STOM: variants seen among roughly 807,000 people sequenced by gnomAD.
The protein encoded by STOM is erythrocyte band 7 integral membrane protein.
In STOM, 25 loss-of-function variants were observed where a neutral mutation model predicts 30.6. The observed-to-expected ratio is 0.82, with a 90% CI of 0.60 to 1.14. The LOEUF (loss-of-function observed/expected upper bound fraction) is 1.14, where lower values mean the gene tolerates loss of function less well. Among genes scored for constraint, STOM ranks in the 50% most tolerant of loss-of-function variants. STOM has a pLI of 0.00. For synonymous variants in STOM, 118 were observed against 130.8 expected (o/e 0.90, Z 0.67); for missense variants, 292 against 365.2 (o/e 0.80, Z 1.63).
At chr9:121,349,554 G>A (rs1296306777) in intron 4 of STOM, among the ~76,000 whole-genome samples, 1 of 152,088 alleles carries the variant, frequency 6.6e-6, no homozygotes, top group Non-Finnish European at 1.5e-5. Flanking sequence ...CACTGTACTA[G>A]GTACCAGGGA....
At chr9:121,351,259 C>T (rs1298915831) in intron 4 of STOM, among the ~76,000 whole-genome samples, 3 of 152,230 alleles carry the variant, frequency 2.0e-5, no homozygotes, top group African/African-American at 4.8e-5. Flanking sequence ...CCTTCTGAGA[C>T]TCAATCTTCC....
At chr9:121,342,265 G>T (rs1389187740) in intron 6 of STOM, among the ~76,000 whole-genome samples, 1 of 152,006 alleles carries the variant, frequency 6.6e-6, no homozygotes. Flanking sequence ...AGCTACTTGG[G>T]AGGCTGAGAC....
chr9:121,367,897 C>G (rs1335984039), intron 1 of STOM, among the ~76,000 whole-genome samples: 2 of 152,288 alleles, frequency 1.3e-5, no homozygotes, highest in African/African-American at 4.8e-5. Context: ...TTCAGAAAAT[C>G]AGATAGCCGG....
intron 6 of STOM, among the ~76,000 whole-genome samples, chr9:121,343,572 T>A (rs1246966727): frequency 6.6e-6 from 1 of 152,116 alleles, no homozygotes; most frequent in African/African-American, 2.4e-5. Context: ...GTTATAGAAG[T>A]TGAATATTAA....
chr9:121,364,708 C>T (rs1409378325), intron 1 of STOM, among the ~76,000 whole-genome samples: 1 of 152,086 alleles, frequency 6.6e-6, no homozygotes, highest in Non-Finnish European at 1.5e-5. Context: ...TTCCTGCATT[C>T]AAATGTTTCA....
chr9:121,349,090 G>A (rs767750673), intron 5 of STOM, 30 bp downstream of exon 5: 2 of 1,604,466 alleles, frequency 1.2e-6, no homozygotes, highest in East Asian at 2.2e-5. Context: ...TTCAGCTTCT[G>A]GGGGGTAACA....
rs2064228098 is a variant in STOM at position 121,339,559 on chromosome 9, G to T, written c.*1643C>A. The T allele has an allele frequency of 4.1e-6, 5 of 1,230,792 alleles. No individual in the cohort carries two copies. The highest frequency in any genetic ancestry group is 4.1e-5 in the South Asian group (1 of 24,148). 76.2% of individuals were successfully genotyped at this position (1,230,792 alleles called of 1,614,324 possible). On this transcript the variant is annotated 3_prime_UTR_variant, in exon 7 of 7. Coordinates refer to ENST00000286713, the MANE Select transcript of STOM (RefSeq NM_004099.6). The stretch of plus-strand genomic sequence containing the variant: ...GGATGGACAGAGTGGTTGAGCTAAA[G>T]AGAGCTATAAAGGCTCGTGCTGGGA...
At chr9:121,353,539 C>T (rs2064358026) in intron 3 of STOM, among the ~76,000 whole-genome samples, 1 of 152,184 alleles carries the variant, frequency 6.6e-6, no homozygotes, top group Non-Finnish European at 1.5e-5. Context: ...ACTCTTCTCC[C>T]CACCGCCCCA....
chr9:121,355,147 T>C (rs1335656481), intron 2 of STOM, among the ~76,000 whole-genome samples: 1 of 141,694 alleles, frequency 7.1e-6, no homozygotes, highest in African/African-American at 2.7e-5. Context: ...TAATCCAAGC[T>C]ACAAGGGAGG....
At chr9:121,343,274 A>G (rs1165519795) in intron 6 of STOM, among the ~76,000 whole-genome samples, 2 of 152,222 alleles carry the variant, frequency 1.3e-5, no homozygotes, top group African/African-American at 2.4e-5. Context: ...TTAATGGTCC[A>G]TAATACTCCA....
At position 121,349,231 on chromosome 9, in the gene STOM, G is replaced by T; in HGVS notation, c.414C>A (p.Asn138Lys). The T allele has an allele frequency of 6.2e-7, 1 of 1,614,182 alleles. No individual in the cohort carries two copies. Among genetic ancestry groups the T allele is most frequent in the Non-Finnish European group, 8.5e-7 (1 of 1,180,032 alleles). ...CCAAAAGACGGGTTGCTGAGTCAGC[G>T]TTGGTGATATTTGCCACAGCCAGGG... ...NATLAVANIT[N>K]ADSATRLLAQ... Residue 138 changes from asparagine (N) to lysine (K), a missense_variant, in exon 5 of 7, where the codon AAC becomes AAA. Coordinates refer to ENST00000286713, the MANE Select transcript of STOM (RefSeq NM_004099.6).
At chr9:121,345,396 T>C (rs1412403987) in intron 6 of STOM, among the ~76,000 whole-genome samples, 5 of 152,218 alleles carry the variant, frequency 3.3e-5, no homozygotes, top group Non-Finnish European at 7.3e-5. Flanking sequence ...ATAATGTGAA[T>C]TTGCATTTCC....
chr9:121,367,448 C>T (rs2064515822), intron 1 of STOM, among the ~76,000 whole-genome samples: 1 of 152,074 alleles, frequency 6.6e-6, no homozygotes, highest in Admixed American at 6.6e-5. Context: ...AATTTATGAC[C>T]ACTGATGGAA....
Position 121,356,101 on chromosome 9 carries a change from G to C in STOM, c.117C>G (p.Phe39Leu), listed in dbSNP as rs1472920016. The stretch of plus-strand genomic sequence containing the variant: ...TTGGGAAAGTTATAACGGTGAATAA[G>C]AATGAGAACGCCACCAAAATCCATC... ...PCGWILVAFS[F>L]LFTVITFPIS... Residue 39 changes from phenylalanine to leucine, a missense_variant, in exon 2 of 7, where the codon TTC becomes TTG. Phe to Leu is a conservative substitution (Grantham distance 22). Transcript: ENST00000286713. The C allele has an allele frequency of 6.2e-7, 1 of 1,614,128 alleles. No homozygotes were observed. The highest frequency in any genetic ancestry group is 8.5e-7 in the Non-Finnish European group (1 of 1,180,010).
chr9:121,352,230 T>C (rs2064345847), intron 4 of STOM, among the ~76,000 whole-genome samples: 2 of 152,236 alleles, frequency 1.3e-5, no homozygotes, highest in Admixed American at 1.3e-4. Context: ...GAAGTACTTA[T>C]AATACTTAAC....
chr9:121,341,830 G>A (rs1249004496), intron 6 of STOM, among the ~76,000 whole-genome samples: 2 of 152,158 alleles, frequency 1.3e-5, no homozygotes, highest in East Asian at 3.8e-4. Context: ...GAAAGACTGT[G>A]ATATGATTTT....
intron 1 of STOM, among the ~76,000 whole-genome samples, chr9:121,363,301 G>C (rs1022156794): frequency 6.6e-6 from 1 of 152,184 alleles, no homozygotes; most frequent in Non-Finnish European, 1.5e-5. Flanking sequence ...TTCAGTTGCA[G>C]CAGCACTTTT....
intron 1 of STOM, among the ~76,000 whole-genome samples, chr9:121,368,474 T>C (rs555122353): frequency 2.0e-5 from 3 of 152,200 alleles, no homozygotes; most frequent in Admixed American, 6.5e-5. Flanking sequence ...TTACCACCCA[T>C]TTTTTCCCTA....
At chr9:121,353,695 T>C (rs570188011) in intron 3 of STOM, among the ~76,000 whole-genome samples, 6 of 152,264 alleles carry the variant, frequency 3.9e-5, no homozygotes, top group African/African-American at 1.4e-4. Context: ...CCCGCCTTTG[T>C]TCCCCTCTTC....
Sources: allele counts gnomAD v4.1 joint callset (sites outside exome capture counted in the v4.1 genomes callset), GRCh38; gene constraint gnomAD v4.1.1; transcripts MANE v1.5; gene names NCBI Gene and HGNC (gene_info 2026-07-23, HGNC 2026-07-21).